ZBTB20: variants seen among roughly 807,000 people sequenced by gnomAD.
ZBTB20 encodes zinc finger and BTB domain containing 20.
Under a neutral mutation model 56.9 loss-of-function variants are expected in ZBTB20, and 9 were observed. The observed-to-expected ratio is 0.16, with a 90% CI of 0.10 to 0.28. ZBTB20 has a LOEUF of 0.28. Ranked by LOEUF, ZBTB20 falls within the 10% of genes least tolerant of loss-of-function variation. The probability of loss-of-function intolerance (pLI) is 1.00; values close to 1 mark genes in which losing one functional copy is unlikely to be tolerated. For missense variants in ZBTB20, 655 were observed against 1,003.0 expected, an observed-to-expected ratio of 0.65 and a Z score of 4.69; for synonymous variants, 417 against 420.7, an observed-to-expected ratio of 0.99 and a Z score of 0.11.
At chr3:114,991,694 A>G (rs367895157) in intron 2 of ZBTB20, among the ~76,000 whole-genome samples, 1 of 151,922 alleles carries the variant, frequency 6.6e-6, no homozygotes. Flanking sequence ...GTCTAATGTT[A>G]ACAGTGGGGT....
chr3:114,913,012 T>G (rs907639132), intron 3 of ZBTB20, among the ~76,000 whole-genome samples: 1 of 152,076 alleles, frequency 6.6e-6, no homozygotes, highest in Non-Finnish European at 1.5e-5. Flanking sequence ...CTACCAAATC[T>G]TAGCTATTTT....
chr3:115,015,725 G>A (rs2079924583), intron 2 of ZBTB20, among the ~76,000 whole-genome samples: 1 of 151,812 alleles, frequency 6.6e-6, no homozygotes, highest in Admixed American at 6.6e-5. Context: ...ATCACTGATG[G>A]GCTTTTGGGT....
chr3:114,992,966 A>G (rs1192913260), intron 2 of ZBTB20, among the ~76,000 whole-genome samples: 1 of 151,922 alleles, frequency 6.6e-6, no homozygotes, highest in Non-Finnish European at 1.5e-5. Flanking sequence ...GGAAATACTA[A>G]ATTACTTTGG....
At chr3:114,610,447 C>T (rs777277402) in intron 6 of ZBTB20, among the ~76,000 whole-genome samples, 1 of 152,122 alleles carries the variant, frequency 6.6e-6, no homozygotes, top group African/African-American at 2.4e-5. Context: ...TTCCAAACAC[C>T]CTTTCTCTAA....
chr3:114,783,114 A>C (rs2070233944), intron 5 of ZBTB20, among the ~76,000 whole-genome samples: 1 of 152,208 alleles, frequency 6.6e-6, no homozygotes, highest in African/African-American at 2.4e-5. Flanking sequence ...GACAGAATAA[A>C]GTCTCTGCAT....
At chr3:114,726,911 CAAAAAAAAAAA>C (rs35565597) in intron 5 of ZBTB20, among the ~76,000 whole-genome samples, 10 of 49,306 alleles carry the variant, frequency 2.0e-4, no homozygotes, top group Admixed American at 3.7e-4. Context: ...GACTCCATCA[CAAAAAAAAAAA>C]AAAAAAAAAA....
chr3:114,826,946 G>A lies in ZBTB20; in HGVS notation c.-416-25772C>T, dbSNP rs139143895. ...TATTGAACAAGGTATGTATGTTGTA[G>A]CCCTGATGCTATATTTGTGTCATGC... On this transcript the variant is annotated intron_variant, in intron 4 of 11. Transcript: ENST00000675478. Among the ~76,000 whole-genome samples the A allele has an allele frequency of 9.1e-4, 138 of 151,674 alleles. 2 individuals are homozygous for A. The East Asian group carries it at 0.023, about 25-fold the overall frequency.
At chr3:114,912,381 T>C (rs898945334) in intron 3 of ZBTB20, among the ~76,000 whole-genome samples, 5 of 151,694 alleles carry the variant, frequency 3.3e-5, no homozygotes, top group African/African-American at 1.2e-4. Context: ...ACTCTAATAC[T>C]GAAATGGTAA....
At chr3:114,513,554 C>T (rs1195826197) in intron 6 of ZBTB20, among the ~76,000 whole-genome samples, 3 of 152,094 alleles carry the variant, frequency 2.0e-5, no homozygotes, top group Middle Eastern at 3.2e-3. Context: ...AGGGGCTTGG[C>T]AGGCTGGAGA....
intron 6 of ZBTB20, among the ~76,000 whole-genome samples, chr3:114,645,327 CTTAA>C (rs2059780435): frequency 6.6e-6 from 1 of 152,142 alleles, no homozygotes; most frequent in South Asian, 2.1e-4. Context: ...TATGTGATTA[CTTAA>C]TATTTACCTC....
intron 6 of ZBTB20, among the ~76,000 whole-genome samples, chr3:114,514,955 T>C (rs1329837499): frequency 6.6e-6 from 1 of 152,202 alleles, no homozygotes; most frequent in Non-Finnish European, 1.5e-5. Flanking sequence ...AGGTATTTCT[T>C]CTACTCTTAC....
chr3:114,436,290 G>A (rs2090511361), intron 7 of ZBTB20, among the ~76,000 whole-genome samples: 1 of 152,142 alleles, frequency 6.6e-6, no homozygotes, highest in Non-Finnish European at 1.5e-5. Context: ...GGCTGGGGTG[G>A]ATGGAGGTGC....
chr3:114,630,894 A>C (rs2058901076), intron 6 of ZBTB20, among the ~76,000 whole-genome samples: 1 of 152,204 alleles, frequency 6.6e-6, no homozygotes, highest in South Asian at 2.1e-4. Flanking sequence ...GAAATAACTC[A>C]CATTAGAGAT....
intron 3 of ZBTB20, among the ~76,000 whole-genome samples, chr3:114,915,915 G>A (rs1192280747): frequency 1.3e-5 from 2 of 152,018 alleles, no homozygotes; most frequent in Non-Finnish European, 2.9e-5. Flanking sequence ...ATGGTGATCA[G>A]AGAAGATATT....
At chr3:114,744,352 C>T (rs2066867276) in intron 5 of ZBTB20, among the ~76,000 whole-genome samples, 1 of 152,124 alleles carries the variant, frequency 6.6e-6, no homozygotes, top group African/African-American at 2.4e-5. Flanking sequence ...AATAAAAGCG[C>T]TTATCTAGTG....
chr3:115,095,471 A>T (rs988881473), intron 1 of ZBTB20, among the ~76,000 whole-genome samples: 1 of 152,194 alleles, frequency 6.6e-6, no homozygotes, highest in African/African-American at 2.4e-5. Context: ...AGTATAAGAG[A>T]GGTTATGAAG....
At chr3:114,391,198 T>C (rs2085843100) in intron 7 of ZBTB20, among the ~76,000 whole-genome samples, 1 of 152,194 alleles carries the variant, frequency 6.6e-6, no homozygotes. Flanking sequence ...AAACATTACA[T>C]TAATTTTTCT....
intron 4 of ZBTB20, among the ~76,000 whole-genome samples, chr3:114,825,625 C>T (rs540204791): frequency 1.2e-4 from 18 of 151,876 alleles, no homozygotes; most frequent in Middle Eastern, 3.4e-3. Flanking sequence ...ATAGCATCAT[C>T]GCAAAGCGAC....
intron 7 of ZBTB20, among the ~76,000 whole-genome samples, chr3:114,431,318 G>A (rs1238596235): frequency 1.3e-5 from 2 of 152,116 alleles, no homozygotes; most frequent in African/African-American, 4.8e-5. Flanking sequence ...TCAGTAGGCA[G>A]GATGGTGCTA....
Sources: gnomAD v4.1 joint callset for allele counts (sites outside exome capture counted in the v4.1 genomes callset) on GRCh38, gnomAD v4.1.1 for gene constraint, MANE v1.5 for transcripts, NCBI Gene and HGNC (gene_info 2026-07-23, HGNC 2026-07-21) for gene names.